TAFA4: variants seen among roughly 807,000 people sequenced by gnomAD.
TAFA4 encodes the protein TAFA chemokine like family member 4.
In TAFA4, 20 loss-of-function variants were observed where a neutral mutation model predicts 21.1. The observed-to-expected ratio is 0.95, with a 90% CI of 0.67 to 1.38. The LOEUF (loss-of-function observed/expected upper bound fraction) is 1.38, where lower values mean the gene tolerates loss of function less well. Ranked by LOEUF, TAFA4 falls within the 40% of genes most tolerant of loss-of-function variation. TAFA4 has a pLI of 0.00. For missense variants in TAFA4, 211 were observed against 180.9 expected, an observed-to-expected ratio of 1.17 and a Z score of -0.95; for synonymous variants, 71 against 67.4, an observed-to-expected ratio of 1.05 and a Z score of -0.26.
intron 3 of TAFA4, among the ~76,000 whole-genome samples, chr3:68,877,629 T>C (rs1396002674): frequency 6.6e-6 from 1 of 152,212 alleles, no homozygotes; most frequent in African/African-American, 2.4e-5. Flanking sequence ...TGTTGAAGCC[T>C]TTCTCTCCTT....
intron 3 of TAFA4, among the ~76,000 whole-genome samples, chr3:68,762,205 A>T (rs1412633749): frequency 1.0e-4 from 5 of 48,412 alleles, no homozygotes; most frequent in South Asian, 3.4e-4. Flanking sequence ...GCCTTAATTT[A>T]AAAAAAAAAA....
At chr3:68,758,487 T>C (rs112366862) in intron 3 of TAFA4, among the ~76,000 whole-genome samples, 1,689 of 152,342 alleles carry the variant, frequency 0.011, 34 homozygotes, top group African/African-American at 0.038. Context: ...TCTTGCCTGC[T>C]GCCACGTTAA....
At chr3:68,737,699 C>T (rs529381602) in intron 5 of TAFA4, among the ~76,000 whole-genome samples, 1 of 152,262 alleles carries the variant, frequency 6.6e-6, no homozygotes, top group East Asian at 1.9e-4. Flanking sequence ...TTCAAGTTCA[C>T]ACTTAGAAGG....
At chr3:68,778,174 A>G (rs1703083242) in intron 3 of TAFA4, among the ~76,000 whole-genome samples, 2 of 152,212 alleles carry the variant, frequency 1.3e-5, no homozygotes, top group Non-Finnish European at 2.9e-5. Flanking sequence ...ATAAAGATAT[A>G]CATTAATCAA....
intron 3 of TAFA4, among the ~76,000 whole-genome samples, chr3:68,836,181 T>C (rs1391504470): frequency 1.3e-5 from 2 of 152,202 alleles, no homozygotes; most frequent in Non-Finnish European, 2.9e-5. Context: ...GAATTGAATA[T>C]TGGTTCTGTT....
chr3:68,759,892 T>C (rs571747379), intron 3 of TAFA4, among the ~76,000 whole-genome samples: 85 of 152,052 alleles, frequency 5.6e-4, no homozygotes, highest in Non-Finnish European at 9.3e-4. Context: ...AGATGGGGGG[T>C]AGATGGGTAG....
At chr3:68,913,709 C>T (rs1018770586) in intron 1 of TAFA4, 2 of 152,074 alleles carry the variant, frequency 1.3e-5, no homozygotes, top group Non-Finnish European at 2.9e-5. Context: ...GAATGAGAAC[C>T]ATTTGGAGAA....
rs372737877 is a variant in TAFA4, at chr3:68,753,022, G to C, written c.131-4C>G. ...CCTTGCTTGATTTGGTGGTGACCTA[G>C]TTGGTAATGGGGGAGAAAAACAAAC... On this transcript the variant is annotated splice_polypyrimidine_tract_variant and splice_region_variant and intron_variant, in intron 3 of 5. Transcript: ENST00000295569. The C allele has an allele frequency of 6.2e-7, 1 of 1,611,814 alleles. No homozygotes were observed. Among genetic ancestry groups the C allele is most frequent in the African/African-American group, 1.3e-5 (1 of 74,866 alleles).
At chr3:68,802,273 G>A (rs1476027465) in intron 3 of TAFA4, among the ~76,000 whole-genome samples, 1 of 151,846 alleles carries the variant, frequency 6.6e-6, no homozygotes, top group Non-Finnish European at 1.5e-5. Flanking sequence ...CCAATCTGTT[G>A]GCATTACACA....
At chr3:68,884,633 T>C (rs561682354) in intron 2 of TAFA4, among the ~76,000 whole-genome samples, 4 of 152,222 alleles carry the variant, frequency 2.6e-5, no homozygotes, top group African/African-American at 4.8e-5. Flanking sequence ...AGACATGCAA[T>C]TTACCCAAGC....
At chr3:68,871,638 G>C (rs1231289495) in intron 3 of TAFA4, among the ~76,000 whole-genome samples, 1 of 152,006 alleles carries the variant, frequency 6.6e-6, no homozygotes, top group Non-Finnish European at 1.5e-5. Flanking sequence ...AAAAATATTT[G>C]CAAACTATCC....
At chr3:68,898,112 A>C in intron 1 of TAFA4, among the ~76,000 whole-genome samples, 1 of 152,170 alleles carries the variant, frequency 6.6e-6, no homozygotes, top group East Asian at 1.9e-4. Context: ...CAAGGTGAAA[A>C]AGGGGTGAGA....
At chr3:68,846,788 T>G (rs1259121230) in intron 3 of TAFA4, among the ~76,000 whole-genome samples, 2 of 152,190 alleles carry the variant, frequency 1.3e-5, no homozygotes. Flanking sequence ...CTGCTGCAGG[T>G]CTGCTGGAAT....
chr3:68,886,782 T>C (rs2089677348), intron 1 of TAFA4, among the ~76,000 whole-genome samples: 1 of 152,240 alleles, frequency 6.6e-6, no homozygotes, highest in Admixed American at 6.5e-5. Flanking sequence ...TGTCTTAGTC[T>C]GTTTTCTGCT....
intron 3 of TAFA4, among the ~76,000 whole-genome samples, chr3:68,873,255 A>T (rs1325031849): frequency 2.1e-5 from 3 of 145,636 alleles, no homozygotes. Flanking sequence ...GGAGAGATCA[A>T]ACAACGTCAT....
chr3:68,920,909 G>A (rs1174361051), intron 1 of TAFA4, among the ~76,000 whole-genome samples: 4 of 152,148 alleles, frequency 2.6e-5, no homozygotes. Context: ...TGCTTCTGCT[G>A]TTTAGTCTTC....
chr3:68,833,817 G>A (rs78047128), intron 3 of TAFA4, among the ~76,000 whole-genome samples: 337 of 152,206 alleles, frequency 2.2e-3, no homozygotes, highest in African/African-American at 7.2e-3. Context: ...TATAGCAGAG[G>A]AACATGAGGC....
chr3:68,744,080 T>G (rs1702407486), intron 4 of TAFA4, among the ~76,000 whole-genome samples: 1 of 152,212 alleles, frequency 6.6e-6, no homozygotes, highest in Non-Finnish European at 1.5e-5. Context: ...AGAGCTGAAT[T>G]TAAAATACTT....
intron 3 of TAFA4, among the ~76,000 whole-genome samples, chr3:68,837,695 G>A (rs1704555737): frequency 6.6e-6 from 1 of 152,060 alleles, no homozygotes; most frequent in Admixed American, 6.6e-5. Context: ...TTTTTAAAAA[G>A]TACACTTATA....
Sources: gnomAD v4.1 joint callset for allele counts (sites outside exome capture counted in the v4.1 genomes callset) on GRCh38, gnomAD v4.1.1 for gene constraint, MANE v1.5 for transcripts, NCBI Gene and HGNC (gene_info 2026-07-23, HGNC 2026-07-21) for gene names.